The following ZMYM4 variants were observed in gnomAD, a reference collection of about 807,000 sequenced individuals.
The protein encoded by ZMYM4 is zinc finger MYM-type protein 4.
A neutral mutation model predicts 183.2 loss-of-function variants in ZMYM4; 31 were observed. That is an observed-to-expected ratio of 0.17 (90% CI 0.13 to 0.23). The LOEUF (loss-of-function observed/expected upper bound fraction) is 0.23. Among genes scored for constraint, ZMYM4 ranks in the 10% least tolerant of loss-of-function variants. ZMYM4 has a pLI of 1.00. For synonymous variants in ZMYM4, 592 were observed against 631.2 expected (o/e 0.94, Z 0.93); for missense variants, 1,273 against 1,840.3 (o/e 0.69, Z 5.64).
intron 26 of ZMYM4, among the ~76,000 whole-genome samples, chr1:35,411,914 A>G (rs768591194): frequency 1.4e-4 from 22 of 152,046 alleles, no homozygotes; most frequent in Non-Finnish European, 2.4e-4. Context: ...ACGGAGTCTC[A>G]CTCTGTCGCC....
intron 1 of ZMYM4, among the ~76,000 whole-genome samples, chr1:35,291,050 T>G (rs1640735939): frequency 6.6e-6 from 1 of 152,208 alleles, no homozygotes; most frequent in Admixed American, 6.5e-5. Flanking sequence ...GACATATGCA[T>G]ATAGTGGTAA....
At chr1:35,332,115 C>G (rs1642778963) in intron 2 of ZMYM4, among the ~76,000 whole-genome samples, 2 of 151,924 alleles carry the variant, frequency 1.3e-5, no homozygotes, top group South Asian at 4.2e-4. Context: ...TTAAAATCTC[C>G]TTATGTTAAA....
Position 35,396,641 on chromosome 1 carries a change from G to T in ZMYM4, c.3001G>T (p.Ala1001Ser). 1 of 1,613,370 alleles carries T rather than the reference G, an allele frequency of 6.2e-7. No individual in the cohort carries two copies. The highest frequency in any genetic ancestry group is 1.1e-5 in the South Asian group (1 of 90,974). ...ACCTCTTCACCTTTATACTCAATAT[G>T]CTCCAGTCCCATTTGGAATTCCAGT... ...PIPLHLYTQY[A>S]PVPFGIPVPM... is the part of the protein sequence containing the mutation. The change falls in exon 19 of 30, where the codon GCT becomes TCT. Residue 1001 changes from alanine (A) to serine (S), a missense_variant. Transcript: ENST00000314607.
chr1:35,360,442 A>C (rs745961609), intron 3 of ZMYM4, among the ~76,000 whole-genome samples: 2 of 152,104 alleles, frequency 1.3e-5, no homozygotes, highest in Non-Finnish European at 2.9e-5. Flanking sequence ...AATGCTAGGA[A>C]ATGTATGGTA....
At chr1:35,299,468 C>T (rs1301911139) in intron 1 of ZMYM4, among the ~76,000 whole-genome samples, 2 of 152,172 alleles carry the variant, frequency 1.3e-5, no homozygotes, top group Non-Finnish European at 2.9e-5. Flanking sequence ...TTTAAATCCT[C>T]TTTAGAGGTT....
chr1:35,294,809 GAA>G (rs1640927177), intron 1 of ZMYM4, among the ~76,000 whole-genome samples: 1 of 152,186 alleles, frequency 6.6e-6, no homozygotes, highest in Non-Finnish European at 1.5e-5. Flanking sequence ...TAATTCAAAA[GAA>G]TGAGATTTGA....
At chr1:35,341,241 G>T in intron 2 of ZMYM4, among the ~76,000 whole-genome samples, 1 of 151,974 alleles carries the variant, frequency 6.6e-6, no homozygotes, top group South Asian at 2.1e-4. Flanking sequence ...TTTCCATTAA[G>T]CCACTAAATT....
At chr1:35,416,206 A>G (rs1001981490) in intron 28 of ZMYM4, among the ~76,000 whole-genome samples, 2 of 152,204 alleles carry the variant, frequency 1.3e-5, no homozygotes, top group African/African-American at 2.4e-5. Context: ...AGCAGTGACA[A>G]TTTTATTAGA....
chr1:35,409,559 A>T (rs1411250456), intron 26 of ZMYM4, among the ~76,000 whole-genome samples: 1 of 151,784 alleles, frequency 6.6e-6, no homozygotes, highest in Non-Finnish European at 1.5e-5. Flanking sequence ...CTTTTTGACC[A>T]TGTGTATACC....
rs1553179028 is a variant in ZMYM4, at chr1:35,389,768, A to AT, written c.2437-180_2437-179insT. Among the ~76,000 whole-genome samples, 2,614 of 138,728 alleles carry AT rather than the reference A, an allele frequency of 0.019. 30 individuals are homozygous for AT. The highest frequency in any genetic ancestry group is 0.044 in the South Asian group (202 of 4,576). 91.0% of individuals were successfully genotyped at this position (138,728 alleles called of 152,430 possible). A position where few individuals can be genotyped will look rare whatever the true frequency, so the allele number is the denominator to read the frequency against. ...AGGCTCTGTCTCAAAAAAAAAAAAA[A>AT]ATATATATATATATGTGTGTGTGTG... On this transcript the variant is annotated intron_variant, in intron 14 of 29. Transcript: ENST00000314607. The surrounding 1 kb of genome is among the most constrained non-coding windows in gnomAD (Gnocchi z 4.0).
intron 2 of ZMYM4, among the ~76,000 whole-genome samples, chr1:35,328,483 AT>A (rs1393230293): frequency 2.0e-5 from 2 of 100,302 alleles, no homozygotes; most frequent in Non-Finnish European, 3.8e-5. Flanking sequence ...TTTTGTAGAG[AT>A]TAGGTCTTAT....
At chr1:35,269,517 A>G (rs984312426) in intron 1 of ZMYM4, among the ~76,000 whole-genome samples, 1 of 151,908 alleles carries the variant, frequency 6.6e-6, no homozygotes, top group African/African-American at 2.4e-5. Context: ...TTCTTCAGTA[A>G]CACCATCGCG....
intron 29 of ZMYM4, 115 bp downstream of exon 29, chr1:35,418,687 C>T: frequency 2.2e-6 from 3 of 1,356,666 alleles, no homozygotes; most frequent in Non-Finnish European, 3.0e-6. Flanking sequence ...CAAGGATTTA[C>T]CATGAATTTT....
At chr1:35,324,909 C>CTA (rs1196852282) in intron 1 of ZMYM4, among the ~76,000 whole-genome samples, 6 of 152,122 alleles carry the variant, frequency 3.9e-5, no homozygotes, top group Admixed American at 1.3e-4. Context: ...GGAACCATCC[C>CTA]TATAACAGGC....
intron 20 of ZMYM4, 114 bp from the exon 21 acceptor site, chr1:35,398,299 A>G: frequency 1.2e-6 from 1 of 856,958 alleles, no homozygotes; most frequent in Non-Finnish European, 1.8e-6. Context: ...TGCATATGAA[A>G]TCTATTTACT....
At chr1:35,305,090 C>T (rs1422852896) in intron 1 of ZMYM4, among the ~76,000 whole-genome samples, 10 of 152,274 alleles carry the variant, frequency 6.6e-5, no homozygotes, top group South Asian at 4.1e-4. Flanking sequence ...GTGATCCATC[C>T]GCCTTGGCCT....
intron 25 of ZMYM4, among the ~76,000 whole-genome samples, chr1:35,407,627 T>G (rs893236744): frequency 3.3e-5 from 5 of 152,176 alleles, no homozygotes; most frequent in Non-Finnish European, 7.4e-5. Context: ...GGACTCTACT[T>G]TGGGAAGCCT....
chr1:35,416,486 T>G (rs1156945466), intron 28 of ZMYM4, among the ~76,000 whole-genome samples: 2 of 152,212 alleles, frequency 1.3e-5, no homozygotes, highest in Non-Finnish European at 2.9e-5. Flanking sequence ...AGATTATCTT[T>G]TTCACCTAAT....
At chr1:35,412,050 ATT>A (rs560248011) in intron 26 of ZMYM4, among the ~76,000 whole-genome samples, 2 of 143,642 alleles carry the variant, frequency 1.4e-5, no homozygotes, top group Non-Finnish European at 1.5e-5. Context: ...CGCCCAGCTA[ATT>A]TTTTTTTTTT....
Sources: gnomAD v4.1 joint callset for allele counts (sites outside exome capture counted in the v4.1 genomes callset) on GRCh38, gnomAD v4.1.1 for gene constraint, Gnocchi (gnomAD v3.1) non-coding constraint, MANE v1.5 for transcripts, NCBI Gene and HGNC (gene_info 2026-07-23, HGNC 2026-07-21) for gene names.